RASAL2: variants seen among roughly 807,000 people sequenced by gnomAD.
The protein encoded by RASAL2 is RAS protein activator like 2, also known as ras GTPase-activating protein nGAP.
Under a neutral mutation model 128.9 loss-of-function variants are expected in RASAL2, and 58 were observed. That is an observed-to-expected ratio of 0.45 (90% CI 0.36 to 0.56). The LOEUF is 0.56. Ranked by LOEUF, RASAL2 falls within the 20% of genes least tolerant of loss-of-function variation. The probability of loss-of-function intolerance (pLI) is 0.00; values close to 1 mark genes in which losing one functional copy is unlikely to be tolerated. For synonymous variants in RASAL2, 561 were observed against 580.8 expected (o/e 0.97, Z 0.49); for missense variants, 1,360 against 1,601.6 (o/e 0.85, Z 2.57).
chr1:178,163,826 A>G (rs1289897247), intron 1 of RASAL2, among the ~76,000 whole-genome samples: 1 of 152,156 alleles, frequency 6.6e-6, no homozygotes, highest in African/African-American at 2.4e-5. Flanking sequence ...TGGGATTTTA[A>G]TAGAGATTTT....
intron 3 of RASAL2, among the ~76,000 whole-genome samples, chr1:178,323,753 A>G (rs1198941054): frequency 6.6e-6 from 1 of 152,222 alleles, no homozygotes; most frequent in South Asian, 2.1e-4. Context: ...ATAAGAGAAA[A>G]TGAAGTATCT....
intron 1 of RASAL2, among the ~76,000 whole-genome samples, chr1:178,198,417 C>G (rs1433718343): frequency 6.6e-6 from 1 of 152,156 alleles, no homozygotes; most frequent in Non-Finnish European, 1.5e-5. Flanking sequence ...CTGGTTTCTC[C>G]CCATCTTTGT....
chr1:178,451,046 A>T (rs1350034127), intron 9 of RASAL2, among the ~76,000 whole-genome samples: 2 of 152,158 alleles, frequency 1.3e-5, no homozygotes, highest in South Asian at 2.1e-4. Flanking sequence ...ATGTAAGGAG[A>T]TCTGCTATAT....
rs139585611 is a variant in RASAL2 at position 178,124,116 on chromosome 1, G to A, written c.202+29422G>A. ...ATGGGTGTTCCTGAGACATTTCCTA[G>A]GGACTCAGGGCTTTGGGCATAAAAT... On this transcript the variant is annotated intron_variant, in intron 1 of 17. Transcript: ENST00000367649. Among the ~76,000 whole-genome samples the A allele has an allele frequency of 1.5e-3, 235 of 152,282 alleles. 1 individual carries two copies. The highest frequency in any genetic ancestry group is 5.4e-3 in the African/African-American group (225 of 41,560).
chr1:178,283,098 C>A (rs548322153), intron 1 of RASAL2, among the ~76,000 whole-genome samples: 53 of 152,070 alleles, frequency 3.5e-4, no homozygotes, highest in Non-Finnish European at 5.1e-4. Flanking sequence ...ATTGTCAATT[C>A]CTGTGAGTGT....
At chr1:178,283,918 A>G (rs1361485968) in intron 2 of RASAL2, among the ~76,000 whole-genome samples, 2 of 152,186 alleles carry the variant, frequency 1.3e-5, no homozygotes, top group Non-Finnish European at 2.9e-5. Context: ...TGGAAGAGAT[A>G]CTGAGTTAAA....
chr1:178,180,485 CAAAAAAAAAAAAAA>C (rs71108033), intron 1 of RASAL2, among the ~76,000 whole-genome samples: 16 of 72,562 alleles, frequency 2.2e-4, no homozygotes, highest in Non-Finnish European at 3.9e-4. Context: ...TCATCTCTAC[CAAAAAAAAAAAAAA>C]AAAAAAAAAA....
intron 1 of RASAL2, among the ~76,000 whole-genome samples, chr1:178,259,987 C>T (rs1046208219): frequency 6.6e-6 from 1 of 152,126 alleles, no homozygotes; most frequent in East Asian, 1.9e-4. Flanking sequence ...TATTTTAGAC[C>T]TAATGATCTT....
intron 4 of RASAL2, among the ~76,000 whole-genome samples, chr1:178,414,385 ACATAT>A (rs1196796960): frequency 2.6e-5 from 4 of 152,222 alleles, no homozygotes; most frequent in Non-Finnish European, 4.4e-5. Flanking sequence ...AATTGTGGAT[ACATAT>A]CACCATGCAT....
At chr1:178,340,116 C>T (rs1365972270) in intron 3 of RASAL2, among the ~76,000 whole-genome samples, 2 of 152,012 alleles carry the variant, frequency 1.3e-5, no homozygotes, top group Non-Finnish European at 2.9e-5. Flanking sequence ...TGACTATGTG[C>T]TCCTCATTTT....
Position 178,458,038 on chromosome 1 carries a change from G to A in RASAL2, c.2746G>A (p.Gly916Ser), listed in dbSNP as rs377392369. 133 of 1,614,010 alleles carry A rather than the reference G, an allele frequency of 8.2e-5. No homozygotes were observed. Among genetic ancestry groups the A allele is most frequent in the Non-Finnish European group, 1.1e-4 (131 of 1,180,034 alleles). Residue 916 changes from glycine (G) to serine (S), a missense_variant, in exon 14 of 18, where the codon GGC becomes AGC. Physicochemically the swap from Gly to Ser is moderately conservative, Grantham distance 56. Transcript: ENST00000367649. ...PLHPALNQPG[G>S]LQPLSFQNPV... ...GCACCCAGCCTTGAACCAGCCAGGT[G>A]GCCTTCAGCCCTTGTCGTTCCAGAA...
At chr1:178,468,426 C>T (rs1220376161) in intron 17 of RASAL2, among the ~76,000 whole-genome samples, 1 of 152,170 alleles carries the variant, frequency 6.6e-6, no homozygotes, top group Non-Finnish European at 1.5e-5. Context: ...TTTAGAGCCC[C>T]CAGTATTCTT....
intron 1 of RASAL2, among the ~76,000 whole-genome samples, chr1:178,117,936 G>A (rs1049658982): frequency 6.6e-6 from 1 of 151,950 alleles, no homozygotes; most frequent in African/African-American, 2.4e-5. Flanking sequence ...AGGCCAAGAT[G>A]GGTGGATCAC....
rs1041554110 is a variant in RASAL2 at position 178,443,223 on chromosome 1, A to G, written c.1476A>G (p.Arg492=). 6.3e-7 allele frequency: 1 copy of G among 1,599,914 alleles called. No homozygotes were observed. The highest frequency in any genetic ancestry group is 2.2e-5 in the East Asian group (1 of 44,634). The change falls in exon 8 of 18, where the codon AGA becomes AGG. Residue 492 remains arginine, a synonymous_variant. Transcript: ENST00000367649. ...TGCACATTCTTCAAAGTACTGGCAG[A>G]GCCAAGGTAAGTGGAAAAGGGGGAT... ...ALVHILQSTG[R]AKDFLTDLVM... is the part of the protein sequence containing the mutation.
At chr1:178,381,765 A>G (rs1399101997) in intron 3 of RASAL2, among the ~76,000 whole-genome samples, 1 of 152,122 alleles carries the variant, frequency 6.6e-6, no homozygotes, top group Non-Finnish European at 1.5e-5. Context: ...ATTAACAATG[A>G]GAATATATTA....
At chr1:178,125,967 A>G (rs1391724353) in intron 1 of RASAL2, among the ~76,000 whole-genome samples, 1 of 152,216 alleles carries the variant, frequency 6.6e-6, no homozygotes, top group Non-Finnish European at 1.5e-5. Context: ...GGTGCTAGGC[A>G]TTGTAGGGAT....
intron 1 of RASAL2, among the ~76,000 whole-genome samples, chr1:178,237,713 GT>G (rs1363403187): frequency 6.6e-6 from 1 of 151,804 alleles, no homozygotes; most frequent in Non-Finnish European, 1.5e-5. Context: ...CTTTTTTATT[GT>G]GATAGCATGC....
In RASAL2 at chr1:178,437,345, C is replaced by T. The variant is rs138813349; in HGVS notation, c.675-2077C>T. ...AAAGAAGCCATCTTCTATTTGTTCT[C>T]GTCTTCTAAACAGAGAGTTGTTTTC... On this transcript the variant is annotated intron_variant, in intron 5 of 17. Coordinates refer to ENST00000367649, the MANE Select transcript of RASAL2 (RefSeq NM_170692.4). Among the ~76,000 whole-genome samples the T allele has an allele frequency of 1.7e-4, 26 of 152,126 alleles. 1 individual carries two copies. The East Asian group carries it at 2.7e-3, about 16-fold the overall frequency.
chr1:178,190,524 T>C (rs553372589), intron 1 of RASAL2, among the ~76,000 whole-genome samples: 1 of 152,282 alleles, frequency 6.6e-6, no homozygotes, highest in South Asian at 2.1e-4. Context: ...GGTGTACTGA[T>C]TCATTGAAAT....
Sources: allele counts gnomAD v4.1 joint callset (sites outside exome capture counted in the v4.1 genomes callset), GRCh38; gene constraint gnomAD v4.1.1; transcripts MANE v1.5; gene names NCBI Gene and HGNC (gene_info 2026-07-23, HGNC 2026-07-21).